ELMO1: variants seen among roughly 807,000 people sequenced by gnomAD.
The protein encoded by ELMO1 is engulfment and cell motility protein 1.
ELMO1 carries 26 observed loss-of-function variants against 98.9 expected under a neutral mutation model. That is an observed-to-expected ratio of 0.26 (90% CI 0.19 to 0.36). The LOEUF (loss-of-function observed/expected upper bound fraction) is 0.36, where lower values mean the gene tolerates loss of function less well. Ranked by LOEUF, ELMO1 falls within the 10% of genes least tolerant of loss-of-function variation. ELMO1 has a pLI of 1.00. For missense variants in ELMO1, 627 were observed against 935.2 expected, an observed-to-expected ratio of 0.67 and a Z score of 4.30; for synonymous variants, 346 against 346.0, an observed-to-expected ratio of 1.00 and a Z score of 0.00.
chr7:37,217,638 A>T (rs1793363126), intron 10 of ELMO1: 1 of 454,476 alleles, frequency 2.2e-6, no homozygotes, highest in Non-Finnish European at 4.4e-6. Flanking sequence ...AGGGCATACA[A>T]GCAGGGGTGG....
chr7:37,286,745 A>G (rs113796367), intron 4 of ELMO1, among the ~76,000 whole-genome samples: 3 of 152,350 alleles, frequency 2.0e-5, no homozygotes, highest in African/African-American at 7.2e-5. Context: ...ATAATGAAAT[A>G]TAGGGATTCT....
chr7:37,320,515 C>T (rs891887928), intron 2 of ELMO1, among the ~76,000 whole-genome samples: 1 of 152,172 alleles, frequency 6.6e-6, no homozygotes, highest in Admixed American at 6.5e-5. Context: ...GGGACTCTTA[C>T]TTACCATTTA....
At chr7:37,322,491 C>T (rs997185721) in intron 2 of ELMO1, among the ~76,000 whole-genome samples, 1 of 151,922 alleles carries the variant, frequency 6.6e-6, no homozygotes, top group Non-Finnish European at 1.5e-5. Flanking sequence ...GTGGTGGGGA[C>T]CTATACTCCT....
intron 13 of ELMO1, among the ~76,000 whole-genome samples, chr7:37,173,245 C>G (rs1274710550): frequency 6.6e-6 from 1 of 152,158 alleles, no homozygotes; most frequent in Non-Finnish European, 1.5e-5. Context: ...TATTCTCTGT[C>G]CTGGCCAGTA....
At chr7:36,952,372 G>C (rs1263481781) in intron 16 of ELMO1, among the ~76,000 whole-genome samples, 8 of 152,180 alleles carry the variant, frequency 5.3e-5, no homozygotes, top group Admixed American at 1.3e-4. Context: ...GCTGGTGATG[G>C]AAGCACTGGT....
chr7:36,889,332 A>G (rs1562799587), intron 17 of ELMO1, among the ~76,000 whole-genome samples: 1 of 152,202 alleles, frequency 6.6e-6, no homozygotes, highest in Non-Finnish European at 1.5e-5. Context: ...AGATCACTAA[A>G]CTATTTATTA....
chr7:37,089,495 C>A (rs1342600816), intron 15 of ELMO1, among the ~76,000 whole-genome samples: 5 of 152,094 alleles, frequency 3.3e-5, no homozygotes, highest in Admixed American at 2.0e-4. Context: ...CTGAGAATAA[C>A]CCCCACACAA....
At chr7:37,147,080 A>G (rs569555030) in intron 13 of ELMO1, among the ~76,000 whole-genome samples, 1 of 151,954 alleles carries the variant, frequency 6.6e-6, no homozygotes, top group South Asian at 2.1e-4. Flanking sequence ...TTAATCAGAG[A>G]AATGTGAAGT....
At chr7:36,941,822 C>T (rs1313290249) in intron 16 of ELMO1, among the ~76,000 whole-genome samples, 1 of 152,222 alleles carries the variant, frequency 6.6e-6, no homozygotes, top group East Asian at 1.9e-4. Flanking sequence ...ACAAAACATC[C>T]TGAGAGGGGG....
Position 36,887,690 on chromosome 7 carries a change from C to T in ELMO1, c.1602-18G>A, listed in dbSNP as rs1289372920. The stretch of plus-strand genomic sequence containing the variant: ...TTAGTTCCCTGTTAGAGGAAAAACA[C>T]ATATTCCACAGCATGCCTTGAGAAA... On this transcript the variant is annotated intron_variant, in intron 17 of 21. Coordinates refer to ENST00000310758, the MANE Select transcript of ELMO1 (RefSeq NM_014800.11). 1 of 1,610,092 alleles carries T rather than the reference C, an allele frequency of 6.2e-7. No homozygotes were observed. Among genetic ancestry groups the T allele is most frequent in the African/African-American group, 1.3e-5 (1 of 74,814 alleles).
At position 36,855,492 on chromosome 7, in the gene ELMO1, C is replaced by A; in HGVS notation, c.*59G>T. The stretch of plus-strand genomic sequence containing the variant: ...CCAAGGCGTGGGTGTGTTTTCATTC[C>A]TCTCTCCTGTTAGCTAGGTGTTCCA... On this transcript the variant is annotated 3_prime_UTR_variant, in exon 22 of 22. Transcript: ENST00000310758. This position sits in a 1 kb window ranked among gnomAD's most constrained non-coding sequence, Gnocchi z 4.2. 1 of 1,605,404 alleles carries A rather than the reference C, an allele frequency of 6.2e-7. No individual in the cohort carries two copies. The highest frequency in any genetic ancestry group is 1.1e-5 in the South Asian group (1 of 90,694).
chr7:36,996,518 T>C (rs550011512), intron 16 of ELMO1, among the ~76,000 whole-genome samples: 3 of 152,216 alleles, frequency 2.0e-5, no homozygotes, highest in Non-Finnish European at 4.4e-5. Context: ...AGAGTAGATA[T>C]GATTTTCAAG....
chr7:36,905,901 C>T (rs187656822), intron 16 of ELMO1, among the ~76,000 whole-genome samples: 24 of 152,350 alleles, frequency 1.6e-4, no homozygotes, highest in African/African-American at 3.4e-4. Context: ...AGTCCATTGT[C>T]TCATATCAAG....
chr7:37,091,622 G>C (rs182673323), intron 15 of ELMO1, among the ~76,000 whole-genome samples: 91 of 152,214 alleles, frequency 6.0e-4, no homozygotes, highest in African/African-American at 2.0e-3. Context: ...CACAGGGTCA[G>C]TGTGCAGGGA....
chr7:37,135,301 G>C (rs1183512478), intron 13 of ELMO1, among the ~76,000 whole-genome samples: 5 of 152,192 alleles, frequency 3.3e-5, no homozygotes, highest in Non-Finnish European at 7.3e-5. Flanking sequence ...GGATAGAGTA[G>C]CATGTGGAGA....
chr7:37,327,865 G>T (rs1799899934), intron 2 of ELMO1, among the ~76,000 whole-genome samples: 1 of 152,156 alleles, frequency 6.6e-6, no homozygotes, highest in South Asian at 2.1e-4. Context: ...TCTAAACTAT[G>T]CAAACAATAA....
chr7:37,035,243 T>G (rs1390365913), intron 15 of ELMO1, among the ~76,000 whole-genome samples: 4 of 152,234 alleles, frequency 2.6e-5, no homozygotes, highest in African/African-American at 9.6e-5. Flanking sequence ...GCTAGACAAT[T>G]TTAAAGATAA....
intron 16 of ELMO1, chr7:36,986,094 G>C: frequency 1.0e-6 from 1 of 992,254 alleles, no homozygotes; most frequent in Non-Finnish European, 1.2e-6. Flanking sequence ...TGTGAACAGA[G>C]ACCCGCCGCA....
chr7:37,417,032 A>G (rs189772290), intron 1 of ELMO1, among the ~76,000 whole-genome samples: 9 of 152,338 alleles, frequency 5.9e-5, no homozygotes, highest in Admixed American at 2.0e-4. Flanking sequence ...ACTTTCTATG[A>G]GCGTGATACT....
Sources: gnomAD v4.1 joint callset for allele counts (sites outside exome capture counted in the v4.1 genomes callset) on GRCh38, gnomAD v4.1.1 for gene constraint, Gnocchi (gnomAD v3.1) non-coding constraint, MANE v1.5 for transcripts, NCBI Gene and HGNC (gene_info 2026-07-23, HGNC 2026-07-21) for gene names.